MMS19: variants seen among roughly 807,000 people sequenced by gnomAD.
The protein encoded by MMS19 is MMS19 cytosolic iron-sulfur assembly component.
Under a neutral mutation model 129.8 loss-of-function variants are expected in MMS19, and 77 were observed. The observed-to-expected ratio is 0.59, with a 90% CI of 0.49 to 0.72. The LOEUF is 0.72. Among genes scored for constraint, MMS19 ranks in the 30% least tolerant of loss-of-function variants. MMS19 has a pLI of 0.00. For synonymous variants in MMS19, 491 were observed against 502.8 expected, an observed-to-expected ratio of 0.98 and a Z score of 0.31; for missense variants, 1,168 against 1,266.3, an observed-to-expected ratio of 0.92 and a Z score of 1.18.
At chr10:97,490,126 C>T (rs1483303131) in intron 1 of MMS19, among the ~76,000 whole-genome samples, 1 of 152,048 alleles carries the variant, frequency 6.6e-6, no homozygotes, top group African/African-American at 2.4e-5. Context: ...CAGGGTCTAG[C>T]TCTGTGCAGT....
intron 8 of MMS19, among the ~76,000 whole-genome samples, chr10:97,472,046 T>C (rs962941583): frequency 3.9e-5 from 6 of 152,154 alleles, no homozygotes; most frequent in Non-Finnish European, 5.9e-5. Flanking sequence ...GGTTACCAGA[T>C]TGACAGGGCC....
At position 97,476,667 on chromosome 10, in the gene MMS19, T is replaced by C; in HGVS notation, c.684+16A>G. ...ACTCAATAAATATATGATCAAACAATGAAGGTGCTACTTACAGGGGTAAAA... is the reference window on the plus strand; with the variant it reads ...ACTCAATAAATATATGATCAAACAACGAAGGTGCTACTTACAGGGGTAAAA... On this transcript the variant is annotated intron_variant, in intron 8 of 30. Coordinates refer to ENST00000438925, the MANE Select transcript of MMS19 (RefSeq NM_022362.5). 1 of 1,612,570 alleles carries C rather than the reference T, an allele frequency of 6.2e-7. No individual in the cohort carries two copies. The highest frequency in any genetic ancestry group is 1.1e-5 in the South Asian group (1 of 90,858).
intron 18 of MMS19, among the ~76,000 whole-genome samples, chr10:97,465,091 C>A (rs2033137826): frequency 6.6e-6 from 1 of 151,986 alleles, no homozygotes; most frequent in Admixed American, 6.6e-5. Context: ...CTCACTGCAA[C>A]CTCCGCCTCC....
chr10:97,481,070 T>C (rs932485896), intron 2 of MMS19, 28 bp from the exon 3 acceptor site: 1 of 1,292,800 alleles, frequency 7.7e-7, no homozygotes, highest in East Asian at 2.4e-5. Context: ...AGAGAGAACC[T>C]GCAATTACCC....
Position 97,470,759 on chromosome 10 carries a change from C to T in MMS19, c.771+16G>A. On this transcript the variant is annotated intron_variant, in intron 9 of 30. Coordinates refer to ENST00000438925, the MANE Select transcript of MMS19 (RefSeq NM_022362.5). ...TATGGGCAGAGGCTATATACCCTAA[C>T]CTTGGCTAGACCCACCTCAGCAAAT... The T allele has an allele frequency of 6.3e-7, 1 of 1,577,090 alleles. No homozygotes were observed. Among genetic ancestry groups the T allele is most frequent in the South Asian group, 1.1e-5 (1 of 90,164 alleles).
rs1302014140 is a variant in MMS19, at chr10:97,459,724, A to T, written c.2674T>A (p.Leu892Met). The change falls in exon 27 of 31, where the codon TTG (leucine) becomes ATG (methionine). Residue 892 changes from leucine to methionine, a missense_variant. Leu to Met is a conservative substitution (Grantham distance 15). Transcript: ENST00000438925. The part of the protein sequence containing the change: ...AAPQDVKPNY[L>M]KGLSHVLNRL... ...TTAAGTACATGAGAAAGACCCTTCA[A>T]GTAGTTTGGCTTCACATCTGTAAAA... 1 of 1,611,662 alleles carries T rather than the reference A, an allele frequency of 6.2e-7. No homozygotes were observed. The highest frequency in any genetic ancestry group is 1.3e-5 in the African/African-American group (1 of 74,914).
intron 1 of MMS19, among the ~76,000 whole-genome samples, chr10:97,484,745 G>A (rs1464402913): frequency 6.6e-6 from 1 of 152,138 alleles, no homozygotes; most frequent in Non-Finnish European, 1.5e-5. Flanking sequence ...GTGAAACCCT[G>A]TCTCTATTAA....
chr10:97,472,667 A>C (rs898760574), intron 8 of MMS19, among the ~76,000 whole-genome samples: 20 of 151,478 alleles, frequency 1.3e-4, no homozygotes, highest in Non-Finnish European at 1.5e-5. Flanking sequence ...TGGAGTGCAG[A>C]GGCATGATCT....
At position 97,462,885 on chromosome 10, in the gene MMS19, C is replaced by T. The variant is rs575264136; in HGVS notation, c.1913-203G>A. Reference sequence around the variant, plus strand: ...GTCTGACCTGGGGCCACAGAGCGCTCCTGAGAACTCTGCACAGTCTTTAGA... The same window carrying T: ...GTCTGACCTGGGGCCACAGAGCGCTTCTGAGAACTCTGCACAGTCTTTAGA... On this transcript the variant is annotated intron_variant, in intron 19 of 30. Coordinates refer to ENST00000438925, the MANE Select transcript of MMS19 (RefSeq NM_022362.5). 129 of 581,784 alleles carry T rather than the reference C, an allele frequency of 2.2e-4. No individual in the cohort carries two copies. In the South Asian group the frequency reaches 2.5e-3, roughly 11 times the overall value. The allele number at this position is 581,784 out of a possible 1,614,324, so 36.0% of individuals were successfully genotyped here.
chr10:97,467,768 A>G (rs2033817780), intron 13 of MMS19, among the ~76,000 whole-genome samples, 185 bp from the exon 14 acceptor site: 1 of 151,570 alleles, frequency 6.6e-6, no homozygotes, highest in Non-Finnish European at 1.5e-5. Context: ...GGTTCAAGTG[A>G]TTCTCTCGCC....
chr10:97,478,414 A>G, intron 3 of MMS19, 25 bp from the exon 4 acceptor site: 2 of 1,564,832 alleles, frequency 1.3e-6, no homozygotes, highest in Non-Finnish European at 8.7e-7. Context: ...TTCAGCCATT[A>G]GTTGACATAG....
chr10:97,467,816 ACCTTAT>A (rs2033832262), intron 13 of MMS19, among the ~76,000 whole-genome samples: 1 of 146,996 alleles, frequency 6.8e-6, no homozygotes, highest in African/African-American at 2.5e-5. Context: ...GATGCGTGCC[ACCTTAT>A]CCAGCTAATT....
At chr10:97,483,002 C>T (rs1030750629) in intron 2 of MMS19, among the ~76,000 whole-genome samples, 6 of 151,772 alleles carry the variant, frequency 4.0e-5, no homozygotes, top group Non-Finnish European at 5.9e-5. Context: ...CCTCATGATC[C>T]GCCCACCTCG....
intron 26 of MMS19, 134 bp downstream of exon 26, chr10:97,459,912 C>T: frequency 1.9e-6 from 2 of 1,072,172 alleles, no homozygotes; most frequent in South Asian, 1.6e-5. Context: ...GGACAAGAAT[C>T]TAGAAGTTTA....
At chr10:97,492,918 TA>T (rs1157167572) in intron 1 of MMS19, among the ~76,000 whole-genome samples, 1 of 149,632 alleles carries the variant, frequency 6.7e-6, no homozygotes, top group Non-Finnish European at 1.5e-5. Flanking sequence ...CTGAATATTA[TA>T]AATAGGGTAC....
intron 26 of MMS19, 128 bp downstream of exon 26, chr10:97,459,918 G>T (rs886452469): frequency 1.8e-6 from 2 of 1,106,360 alleles, no homozygotes; most frequent in Admixed American, 2.4e-5. Flanking sequence ...GAATCTAGAA[G>T]TTTAGTCTTC....
At chr10:97,463,312 T>C (rs1486713428) in intron 19 of MMS19, among the ~76,000 whole-genome samples, 1 of 152,088 alleles carries the variant, frequency 6.6e-6, no homozygotes, top group Non-Finnish European at 1.5e-5. Flanking sequence ...GCTGGGACTA[T>C]AGGTGTGCAC....
At chr10:97,493,395 A>C (rs1274188501) in intron 1 of MMS19, among the ~76,000 whole-genome samples, 1 of 152,086 alleles carries the variant, frequency 6.6e-6, no homozygotes, top group Non-Finnish European at 1.5e-5. Context: ...TGGGCAACAA[A>C]ACAAGGCCCT....
upstream of MMS19, chr10:97,498,452 C>T (rs1290980593): frequency 2.6e-6 from 4 of 1,531,952 alleles, no homozygotes; most frequent in Admixed American, 2.0e-5. Flanking sequence ...GCGCATGCGC[C>T]TCCCGAGCCA....
Sources: allele counts gnomAD v4.1 joint callset (sites outside exome capture counted in the v4.1 genomes callset), GRCh38; gene constraint gnomAD v4.1.1; transcripts MANE v1.5; gene names NCBI Gene and HGNC (gene_info 2026-07-23, HGNC 2026-07-21).